Variants in CAPZB observed in about 807,000 individuals in gnomAD.
CAPZB encodes the protein F-actin-capping protein subunit beta.
Under a neutral mutation model 38.1 loss-of-function variants are expected in CAPZB, and 2 were observed. The observed-to-expected ratio is 0.05, with a 90% CI of 0.02 to 0.17. The LOEUF (loss-of-function observed/expected upper bound fraction) is 0.17, where lower values mean the gene tolerates loss of function less well. Ranked by LOEUF, CAPZB falls within the 10% of genes least tolerant of loss-of-function variation. The pLI, the probability that CAPZB is intolerant of heterozygous loss-of-function variation, is 1.00. For missense variants in CAPZB, 161 were observed against 334.2 expected (o/e 0.48, Z 4.04); for synonymous variants, 107 against 127.4 (o/e 0.84, Z 1.08).
chr1:19,412,512 G>T (rs1029379314), intron 2 of CAPZB, among the ~76,000 whole-genome samples: 1 of 151,998 alleles, frequency 6.6e-6, no homozygotes, highest in Non-Finnish European at 1.5e-5. Flanking sequence ...TTAAACTCTG[G>T]GTTCAAGCGA....
chr1:19,481,740 C>T (rs915003502), intron 1 of CAPZB, among the ~76,000 whole-genome samples: 2 of 152,218 alleles, frequency 1.3e-5, no homozygotes, highest in African/African-American at 4.8e-5. Context: ...AGAGAAGACA[C>T]ACCCCAAAAG....
intron 1 of CAPZB, among the ~76,000 whole-genome samples, 195 bp downstream of exon 1, chr1:19,485,241 G>A (rs2094647093): frequency 6.6e-6 from 1 of 152,106 alleles, no homozygotes; most frequent in Non-Finnish European, 1.5e-5. Context: ...GCGGGGGCAG[G>A]GTCACTGCCA....
In CAPZB at chr1:19,356,112, C is replaced by A. The variant is rs2094019724; in HGVS notation, c.588+523G>T. ...TTTCAATGTGCACACATTACCTGGG[C>A]AATTTTGTGAAAACAGAGATCCTGA... On this transcript the variant is annotated intron_variant, in intron 6 of 8. Coordinates refer to ENST00000264202, the MANE Select transcript of CAPZB (RefSeq NM_004930.5). This position sits in a 1 kb window ranked among gnomAD's most constrained non-coding sequence, Gnocchi z 4.3. 6.6e-6 allele frequency among the ~76,000 whole-genome samples: 1 copy of A among 152,108 alleles called. No homozygotes were observed. Among genetic ancestry groups the A allele is most frequent in the Non-Finnish European group, 1.5e-5 (1 of 68,026 alleles).
At chr1:19,385,480 C>A in intron 3 of CAPZB, 25 bp downstream of exon 3, 1 of 1,611,570 alleles carries the variant, frequency 6.2e-7, no homozygotes, top group Non-Finnish European at 8.5e-7. Flanking sequence ...GCTGTGCCTG[C>A]TGCATCCCCG....
chr1:19,357,339 C>T lies in CAPZB; in HGVS notation c.471+83G>A. On this transcript the variant is annotated intron_variant, in intron 5 of 8. Coordinates refer to ENST00000264202, the MANE Select transcript of CAPZB (RefSeq NM_004930.5). This position sits in a 1 kb window ranked among gnomAD's most constrained non-coding sequence, Gnocchi z 4.3. ...CAGAGATCACAGCATCCCCCTACTG[C>T]ATCTGTTAGAGAGCAGCGCGGCACT... The T allele has an allele frequency of 1.6e-6, 2 of 1,261,976 alleles. No individual in the cohort carries two copies. Among genetic ancestry groups the T allele is most frequent in the South Asian group, 1.3e-5 (1 of 77,910 alleles). 78.2% of individuals were successfully genotyped at this position (1,261,976 alleles called of 1,614,324 possible).
chr1:19,402,636 C>G (rs2094309214), intron 2 of CAPZB, among the ~76,000 whole-genome samples: 1 of 152,230 alleles, frequency 6.6e-6, no homozygotes, highest in African/African-American at 2.4e-5. Context: ...CTTCCCACCA[C>G]CCACCAGCTG....
chr1:19,404,963 C>CTAGA (rs1457976491), intron 2 of CAPZB, among the ~76,000 whole-genome samples: 5 of 152,146 alleles, frequency 3.3e-5, no homozygotes, highest in Non-Finnish European at 5.9e-5. Flanking sequence ...CGAGGGTCAC[C>CTAGA]TAGATATTCA....
intron 2 of CAPZB, among the ~76,000 whole-genome samples, chr1:19,400,156 C>T (rs961384634): frequency 9.9e-5 from 15 of 152,138 alleles, no homozygotes; most frequent in African/African-American, 3.6e-4. Context: ...CCTTGCCTGC[C>T]TCCGAGACCT....
At chr1:19,407,334 C>A (rs2094337037) in intron 2 of CAPZB, among the ~76,000 whole-genome samples, 2 of 152,242 alleles carry the variant, frequency 1.3e-5, no homozygotes, top group South Asian at 2.1e-4. Flanking sequence ...AGCCTCCCCA[C>A]CAGAAAGCAG....
At chr1:19,453,172 G>A (rs978573928) in intron 1 of CAPZB, among the ~76,000 whole-genome samples, 2 of 152,164 alleles carry the variant, frequency 1.3e-5, no homozygotes, top group Admixed American at 1.3e-4. Flanking sequence ...CCAGCTTCTT[G>A]TGACTGTTAG....
At chr1:19,445,410 G>A (rs770123881) in intron 1 of CAPZB, among the ~76,000 whole-genome samples, 95 of 151,360 alleles carry the variant, frequency 6.3e-4, no homozygotes, top group Non-Finnish European at 9.7e-4. Flanking sequence ...CATTTTCCAA[G>A]AGTAAAACAT....
rs78961051 is a variant in CAPZB, at chr1:19,484,088, T to C, written c.3+1348A>G. On this transcript the variant is annotated intron_variant, in intron 1 of 8. Coordinates refer to ENST00000264202, the MANE Select transcript of CAPZB (RefSeq NM_004930.5). ...GGGCAGGTCTATCTGTGGGGGCCTATGTGAAACCCCAGGTTCCTCAAAAGT... is the reference window on the plus strand; with the variant it reads ...GGGCAGGTCTATCTGTGGGGGCCTACGTGAAACCCCAGGTTCCTCAAAAGT... 93 of 1,274,264 alleles carry C rather than the reference T, an allele frequency of 7.3e-5. No individual in the cohort carries two copies. The African/African-American group carries it at 1.2e-3, about 17-fold the overall frequency. 78.9% of individuals were successfully genotyped at this position (1,274,264 alleles called of 1,614,324 possible). A position where few individuals can be genotyped will look rare whatever the true frequency, so the allele number is the denominator to read the frequency against.
intron 1 of CAPZB, among the ~76,000 whole-genome samples, chr1:19,461,221 G>C (rs1302773698): frequency 3.9e-5 from 6 of 152,166 alleles, no homozygotes; most frequent in Non-Finnish European, 7.3e-5. Context: ...CTTGCACAAG[G>C]TCACCCAGCT....
At chr1:19,453,903 T>C (rs1206569708) in intron 1 of CAPZB, among the ~76,000 whole-genome samples, 1 of 130,678 alleles carries the variant, frequency 7.7e-6, no homozygotes, top group Non-Finnish European at 1.7e-5. Context: ...ACATCCCTAC[T>C]GCCATTTTAC....
rs75768687 is a variant in CAPZB, at chr1:19,471,361, T to C, written c.3+14075A>G. 6.0e-3 allele frequency among the ~76,000 whole-genome samples: 907 copies of C among 152,216 alleles called. 10 individuals are homozygous for C. The highest frequency in any genetic ancestry group is 0.021 in the African/African-American group (863 of 41,522). On this transcript the variant is annotated intron_variant, in intron 1 of 8. Coordinates refer to ENST00000264202, the MANE Select transcript of CAPZB (RefSeq NM_004930.5). ...ATTCTGACATGTAATGAAATTCAAGTGGGAATTTTATCAGTTAACCCAATG... is the reference window on the plus strand; with the variant it reads ...ATTCTGACATGTAATGAAATTCAAGCGGGAATTTTATCAGTTAACCCAATG...
At chr1:19,464,128 A>G (rs2094561287) in intron 1 of CAPZB, among the ~76,000 whole-genome samples, 1 of 151,318 alleles carries the variant, frequency 6.6e-6, no homozygotes, top group South Asian at 2.1e-4. Context: ...CAGAGGTTGT[A>G]GTGAGCCAAG....
At chr1:19,385,836 T>C (rs1416138427) in intron 2 of CAPZB, 1 of 708,848 alleles carries the variant, frequency 1.4e-6, no homozygotes, top group Non-Finnish European at 2.6e-6. Context: ...TGAATTACAG[T>C]GGAGCGTGAT....
intron 1 of CAPZB, among the ~76,000 whole-genome samples, chr1:19,440,539 C>T (rs1393907607): frequency 6.6e-6 from 1 of 152,140 alleles, no homozygotes; most frequent in East Asian, 1.9e-4. Flanking sequence ...TTCTGAATGG[C>T]AACCACTAGA....
At chr1:19,405,541 C>CAAAAAAA (rs10577923) in intron 2 of CAPZB, among the ~76,000 whole-genome samples, 1 of 96,492 alleles carries the variant, frequency 1.0e-5, no homozygotes, top group Admixed American at 1.1e-4. Context: ...TAGAAAGAGG[C>CAAAAAAA]AAAAAAAAAA....
Sources: gnomAD v4.1 joint callset for allele counts (sites outside exome capture counted in the v4.1 genomes callset) on GRCh38, gnomAD v4.1.1 for gene constraint, Gnocchi (gnomAD v3.1) non-coding constraint, MANE v1.5 for transcripts, NCBI Gene and HGNC (gene_info 2026-07-23, HGNC 2026-07-21) for gene names.